ANKFN1: variants seen among roughly 807,000 people sequenced by gnomAD.
ANKFN1 encodes ankyrin repeat and fibronectin type-III domain-containing protein 1.
Under a neutral mutation model 108.7 loss-of-function variants are expected in ANKFN1, and 74 were observed. The observed-to-expected ratio is 0.68, with a 90% CI of 0.56 to 0.83. The LOEUF is 0.83. ANKFN1 is among the 40% of genes least tolerant of loss of function. The pLI is 0.00. For synonymous variants in ANKFN1, 547 were observed against 516.2 expected (o/e 1.06, Z -0.81); for missense variants, 1,505 against 1,382.3 (o/e 1.09, Z -1.41).
At chr17:56,122,353 G>A (rs1010793047) in intron 4 of ANKFN1, among the ~76,000 whole-genome samples, 12 of 152,124 alleles carry the variant, frequency 7.9e-5, no homozygotes, top group African/African-American at 2.2e-4. Context: ...TAAAAGGAAG[G>A]AAACGTGCCT....
chr17:56,092,931 GA>G (rs1395647743), intron 4 of ANKFN1, among the ~76,000 whole-genome samples: 1 of 151,212 alleles, frequency 6.6e-6, no homozygotes. Flanking sequence ...CTCATGCTTT[GA>G]TTCTCTCTGC....
chr17:56,441,365 A>G (rs1273674050), intron 9 of ANKFN1, among the ~76,000 whole-genome samples: 1 of 152,128 alleles, frequency 6.6e-6, no homozygotes, highest in African/African-American at 2.4e-5. Context: ...AAAAAAATGC[A>G]TCAGGTTGCA....
chr17:56,298,436 G>A (rs953878085), intron 3 of ANKFN1, among the ~76,000 whole-genome samples: 36 of 152,172 alleles, frequency 2.4e-4, no homozygotes, highest in Admixed American at 5.9e-4. Context: ...ACCATATTAA[G>A]ATTGTCTTGA....
intron 4 of ANKFN1, among the ~76,000 whole-genome samples, chr17:56,076,443 A>G (rs746245054): frequency 1.8e-4 from 28 of 152,296 alleles, no homozygotes; most frequent in Non-Finnish European, 2.9e-4. Context: ...TGCCTTCACT[A>G]TGTTATGAAG....
At chr17:56,258,803 C>T (rs1246787937) in intron 3 of ANKFN1, among the ~76,000 whole-genome samples, 4 of 151,978 alleles carry the variant, frequency 2.6e-5, no homozygotes, top group South Asian at 2.1e-4. Context: ...CCCAGCTACT[C>T]GGGAGGCTGA....
chr17:56,498,087 C>T lies in ANKFN1; in HGVS notation c.2428-795C>T, dbSNP rs191381544. 3.9e-5 allele frequency among the ~76,000 whole-genome samples: 6 copies of T among 152,182 alleles called. No homozygotes were observed. In the East Asian group the frequency reaches 1.2e-3, roughly 29 times the overall value. ...TATAATGAAAATATCATTAAAATGACTTTGATAACCCAAAAATCAAAATGG... is the reference window on the plus strand; with the variant it reads ...TATAATGAAAATATCATTAAAATGATTTTGATAACCCAAAAATCAAAATGG... On this transcript the variant is annotated intron_variant, in intron 19 of 20. Coordinates refer to ENST00000682825, the MANE Select transcript of ANKFN1 (RefSeq NM_001370326.1).
chr17:56,322,072 T>C (rs1449751189), intron 3 of ANKFN1, among the ~76,000 whole-genome samples: 1 of 152,172 alleles, frequency 6.6e-6, no homozygotes. Flanking sequence ...CAAAGCATTC[T>C]ATGAATGTCT....
At chr17:56,135,097 G>A (rs575020203) in intron 4 of ANKFN1, among the ~76,000 whole-genome samples, 1 of 152,238 alleles carries the variant, frequency 6.6e-6, no homozygotes, top group South Asian at 2.1e-4. Context: ...TCTCAGACAG[G>A]ATGAGTGGCC....
chr17:56,277,393 T>C (rs150755691), intron 3 of ANKFN1, among the ~76,000 whole-genome samples: 30 of 152,242 alleles, frequency 2.0e-4, no homozygotes, highest in Non-Finnish European at 3.2e-4. Context: ...TCTTATTCAT[T>C]TATTGACCTA....
chr17:56,118,794 C>T (rs533058589), intron 4 of ANKFN1, among the ~76,000 whole-genome samples: 2 of 152,090 alleles, frequency 1.3e-5, no homozygotes, highest in African/African-American at 4.8e-5. Context: ...CTAGGCATAC[C>T]GTGTAGTTTA....
intron 19 of ANKFN1, among the ~76,000 whole-genome samples, chr17:56,495,685 G>T (rs926256693): frequency 6.6e-6 from 1 of 152,090 alleles, no homozygotes; most frequent in Admixed American, 6.6e-5. Flanking sequence ...CTGGAGCTTG[G>T]CATATTTTGA....
intron 4 of ANKFN1, among the ~76,000 whole-genome samples, chr17:56,341,432 G>A (rs2045955950): frequency 6.6e-6 from 1 of 152,082 alleles, no homozygotes; most frequent in African/African-American, 2.4e-5. Context: ...TATGATGTTG[G>A]CTGTGAGTTT....
chr17:56,057,397 C>A (rs956283672), intron 4 of ANKFN1, among the ~76,000 whole-genome samples: 5 of 152,068 alleles, frequency 3.3e-5, no homozygotes, highest in Admixed American at 6.6e-5. Flanking sequence ...CCATCAGCAG[C>A]GATATACTTA....
At chr17:56,175,720 C>A (rs938385918) in intron 1 of ANKFN1, among the ~76,000 whole-genome samples, 3 of 152,204 alleles carry the variant, frequency 2.0e-5, no homozygotes, top group Admixed American at 6.5e-5. Context: ...AGCTGTAGAA[C>A]TTTCCAGCCC....
At chr17:56,264,950 A>G (rs1242818381) in intron 3 of ANKFN1, among the ~76,000 whole-genome samples, 1 of 152,108 alleles carries the variant, frequency 6.6e-6, no homozygotes, top group Non-Finnish European at 1.5e-5. Flanking sequence ...AGCTCAGGCC[A>G]TATCCTCATC....
Position 56,512,653 on chromosome 17 carries a change from A to G in ANKFN1, c.*1384A>G, listed in dbSNP as rs1342031698. Among the ~76,000 whole-genome samples the G allele has an allele frequency of 6.6e-6, 1 of 152,216 alleles. No individual in the cohort carries two copies. The highest frequency in any genetic ancestry group is 2.4e-5 in the African/African-American group (1 of 41,458). On this transcript the variant is annotated 3_prime_UTR_variant, in exon 21 of 21. Coordinates refer to ENST00000682825, the MANE Select transcript of ANKFN1 (RefSeq NM_001370326.1). The stretch of plus-strand genomic sequence containing the variant: ...AATGATCCTTTTCTGCTTCACAGGC[A>G]TTTCAGTTAAATATTGCTCTTTATG...
intron 20 of ANKFN1, among the ~76,000 whole-genome samples, chr17:56,506,263 A>G (rs2145478445): frequency 6.7e-6 from 1 of 148,626 alleles, no homozygotes; most frequent in Middle Eastern, 3.5e-3. Context: ...CTTCCTGTGA[A>G]TGTGACATTA....
chr17:56,055,570 T>TATATATATATATATATATATATATAC (rs1567778606), intron 4 of ANKFN1, among the ~76,000 whole-genome samples: 1 of 100,144 alleles, frequency 1.0e-5, no homozygotes. Flanking sequence ...TATATACATA[T>TATATATATATATATATATATATATAC]ATATATATAT....
At chr17:56,124,157 C>T (rs192411172) in intron 4 of ANKFN1, among the ~76,000 whole-genome samples, 69 of 152,280 alleles carry the variant, frequency 4.5e-4, no homozygotes, top group African/African-American at 1.6e-3. Context: ...GGGACGGGGG[C>T]TGAGACTACA....
Sources: allele counts gnomAD v4.1 joint callset (sites outside exome capture counted in the v4.1 genomes callset), GRCh38; gene constraint gnomAD v4.1.1; transcripts MANE v1.5; gene names NCBI Gene and HGNC (gene_info 2026-07-23, HGNC 2026-07-21).